Variants in PCNX2 observed in about 807,000 individuals in gnomAD.
The protein encoded by PCNX2 is pecanex-like protein 2.
In PCNX2, 168 loss-of-function variants were observed where a neutral mutation model predicts 223.8. The observed-to-expected ratio is 0.75, with a 90% confidence interval of 0.66 to 0.85. The LOEUF (loss-of-function observed/expected upper bound fraction) is 0.85, where lower values mean the gene tolerates loss of function less well. PCNX2 is among the 40% of genes least tolerant of loss of function. The pLI, the probability that PCNX2 is intolerant of heterozygous loss-of-function variation, is 0.00. For synonymous variants in PCNX2, 1,006 were observed against 1,052.6 expected (o/e 0.96, Z 0.86); for missense variants, 2,507 against 2,675.5 (o/e 0.94, Z 1.39).
chr1:233,175,164 A>G (rs12036870), intron 17 of PCNX2, among the ~76,000 whole-genome samples: 13,729 of 151,888 alleles, frequency 0.09, 826 homozygotes, highest in East Asian at 0.31. Flanking sequence ...AGACAATGGG[A>G]GGGGGGTTTA....
chr1:233,152,106 G>A (rs530070807), intron 19 of PCNX2, among the ~76,000 whole-genome samples: 2 of 152,336 alleles, frequency 1.3e-5, no homozygotes, highest in East Asian at 3.9e-4. Context: ...ATCAGCCAGA[G>A]TATGAGAGTG....
At chr1:233,178,676 G>A in intron 16 of PCNX2, among the ~76,000 whole-genome samples, 1 of 152,104 alleles carries the variant, frequency 6.6e-6, no homozygotes, top group African/African-American at 2.4e-5. Flanking sequence ...TCTCCCCAGG[G>A]TAACTGCCTA....
intron 1 of PCNX2, among the ~76,000 whole-genome samples, chr1:233,277,971 A>T (rs1660999679): frequency 6.6e-6 from 1 of 152,192 alleles, no homozygotes; most frequent in South Asian, 2.1e-4. Flanking sequence ...AACATTACTG[A>T]TTATGTTTAT....
chr1:233,003,095 G>A (rs1215513752), intron 28 of PCNX2, among the ~76,000 whole-genome samples: 1 of 150,360 alleles, frequency 6.7e-6, no homozygotes, highest in African/African-American at 2.4e-5. Context: ...ATAGGCATGG[G>A]CAAAGACTTC....
intron 32 of PCNX2, among the ~76,000 whole-genome samples, chr1:232,988,832 A>G (rs977635906): frequency 3.3e-5 from 5 of 152,226 alleles, no homozygotes; most frequent in African/African-American, 1.2e-4. Flanking sequence ...TTACCCCAGC[A>G]AGACGTTTGC....
intron 25 of PCNX2, among the ~76,000 whole-genome samples, chr1:233,049,882 C>T (rs1240805309): frequency 6.6e-6 from 1 of 152,034 alleles, no homozygotes; most frequent in Non-Finnish European, 1.5e-5. Flanking sequence ...CACACACACA[C>T]ACACAAATAC....
chr1:233,285,539 G>A (rs1348627812), intron 1 of PCNX2, among the ~76,000 whole-genome samples: 5 of 152,090 alleles, frequency 3.3e-5, no homozygotes, highest in Admixed American at 2.6e-4. Context: ...GCCGGGCGTG[G>A]TGGTGCATGC....
In PCNX2 at chr1:233,258,984, C is replaced by G; in HGVS notation, c.878G>C (p.Gly293Ala). Residue 293 changes from glycine (G) to alanine (A), a missense_variant, in exon 5 of 34, where the codon GGC (glycine) becomes GCC (alanine). This residue lies in a region of PCNX2 where 1,031 missense variants were observed against 1,021.7 expected (regional missense o/e 1.01). Transcript: ENST00000258229. ...GCTTTGTACCCGTTCCCTTATGGAG[C>G]CCCGGGGACAACTGACAGGTTCTGG... ...LIPEPVSCPR[G>A]SIRERVQSKS... The G allele has an allele frequency of 6.2e-7, 1 of 1,613,942 alleles. No homozygotes were observed. The highest frequency in any genetic ancestry group is 8.5e-7 in the Non-Finnish European group (1 of 1,179,882).
chr1:233,295,702 A>G lies in PCNX2; in HGVS notation c.-224T>C, dbSNP rs1370479667. The G allele has an allele frequency of 7.2e-6, 3 of 419,356 alleles. No individual in the cohort carries two copies. The highest frequency in any genetic ancestry group is 1.2e-5 in the Non-Finnish European group (3 of 251,462). 26.0% of individuals were successfully genotyped at this position (419,356 alleles called of 1,614,324 possible). ...CCGGAGCCGGCTGCTGCGGCCGGGC[A>G]GGTGAGCGCCATGTCCGAGGGAGGA... On this transcript the variant is annotated 5_prime_UTR_variant, in exon 1 of 34. Transcript: ENST00000258229. This position sits in a 1 kb window ranked among gnomAD's most constrained non-coding sequence, Gnocchi z 4.1.
chr1:233,030,767 A>G lies in PCNX2; in HGVS notation c.4352-5368T>C, dbSNP rs913953734. Among the ~76,000 whole-genome samples, 6 of 152,360 alleles carry G rather than the reference A, an allele frequency of 3.9e-5. 1 individual carries two copies. The highest frequency in any genetic ancestry group is 1.4e-4 in the African/African-American group (6 of 41,592). Reference sequence around the variant, plus strand: ...ATTTGGAGCTTCTACATTTCTCAGCACTGCGTAGCCTACATAGTCTTTATT... The same window carrying G: ...ATTTGGAGCTTCTACATTTCTCAGCGCTGCGTAGCCTACATAGTCTTTATT... On this transcript the variant is annotated intron_variant, in intron 25 of 33. Transcript: ENST00000258229.
the PCNX2 span, among the ~76,000 whole-genome samples, chr1:233,322,119 C>A: frequency 6.6e-6 from 1 of 152,130 alleles, no homozygotes; most frequent in Admixed American, 6.5e-5. Context: ...AAGAGCAACC[C>A]CATACAGCCA....
At chr1:233,081,212 T>C (rs529984442) in intron 23 of PCNX2, among the ~76,000 whole-genome samples, 40 of 152,262 alleles carry the variant, frequency 2.6e-4, no homozygotes, top group African/African-American at 8.4e-4. Context: ...CCAGGCATGA[T>C]GGCAGGTGCC....
intron 9 of PCNX2, among the ~76,000 whole-genome samples, chr1:233,234,956 C>T (rs1167342162): frequency 6.6e-6 from 1 of 151,836 alleles, no homozygotes; most frequent in African/African-American, 2.4e-5. Context: ...GTGCAGAACA[C>T]AGCTAGGGCA....
At chr1:233,101,925 T>C (rs1224678594) in intron 21 of PCNX2, among the ~76,000 whole-genome samples, 1 of 152,166 alleles carries the variant, frequency 6.6e-6, no homozygotes, top group Non-Finnish European at 1.5e-5. Flanking sequence ...AAATCTGTCA[T>C]CCATGATAAA....
chr1:233,152,930 G>A (rs1438238284), intron 19 of PCNX2, among the ~76,000 whole-genome samples: 1 of 148,348 alleles, frequency 6.7e-6, no homozygotes, highest in African/African-American at 2.5e-5. Flanking sequence ...AGACAAAACT[G>A]AATCACAATG....
intron 15 of PCNX2, among the ~76,000 whole-genome samples, chr1:233,193,922 T>C (rs143682980): frequency 8.5e-4 from 130 of 152,102 alleles, no homozygotes; most frequent in African/African-American, 2.5e-3. Context: ...TGTGGGGCAA[T>C]ATTAAATGAT....
chr1:233,063,853 C>A (rs753540873), intron 23 of PCNX2, among the ~76,000 whole-genome samples: 14 of 152,058 alleles, frequency 9.2e-5, no homozygotes, highest in Non-Finnish European at 1.6e-4. Flanking sequence ...TGCATTCTGG[C>A]CAGTTTTCTT....
the PCNX2 span, among the ~76,000 whole-genome samples, chr1:233,325,054 G>A: frequency 4.9e-4 from 74 of 152,220 alleles, no homozygotes; most frequent in Admixed American, 1.0e-3. Context: ...CACAACACCC[G>A]TTCAGTAACC....
intron 4 of PCNX2, among the ~76,000 whole-genome samples, chr1:233,260,751 A>G (rs1413675330): frequency 6.6e-6 from 1 of 152,138 alleles, no homozygotes; most frequent in Non-Finnish European, 1.5e-5. Flanking sequence ...GAAAGGAAGG[A>G]ATTAATTCAG....
Sources: gnomAD v4.1 joint callset for allele counts (sites outside exome capture counted in the v4.1 genomes callset) on GRCh38, gnomAD v4.1.1 for gene constraint, gnomAD v4.1.1 regional missense constraint, Gnocchi (gnomAD v3.1) non-coding constraint, MANE v1.5 for transcripts, NCBI Gene and HGNC (gene_info 2026-07-23, HGNC 2026-07-21) for gene names.